The following LIPI variants were observed in gnomAD, a reference collection of about 807,000 sequenced individuals.
LIPI encodes the protein lipase I.
In LIPI, 59 loss-of-function variants were observed where a neutral mutation model predicts 50.6. The ratio of observed to expected loss-of-function variants is 1.16; its 90% confidence interval spans 0.94 to 1.45. The LOEUF is 1.45. Ranked by LOEUF, LIPI falls within the 40% of genes most tolerant of loss-of-function variation. The pLI is 0.00. For synonymous variants in LIPI, 203 were observed against 178.2 expected, an observed-to-expected ratio of 1.14 and a Z score of -1.11; for missense variants, 586 against 536.3, an observed-to-expected ratio of 1.09 and a Z score of -0.92.
At chr21:14,126,275 A>G (rs1018337300) in intron 9 of LIPI, among the ~76,000 whole-genome samples, 1 of 152,366 alleles carries the variant, frequency 6.6e-6, no homozygotes, top group East Asian at 1.9e-4. Flanking sequence ...ATTATTATAA[A>G]CATCAAAAAC....
At chr21:14,160,589 C>CA (rs1476850585) in intron 7 of LIPI, among the ~76,000 whole-genome samples, 1 of 151,244 alleles carries the variant, frequency 6.6e-6, no homozygotes, top group Non-Finnish European at 1.5e-5. Context: ...GGGCTCAACA[C>CA]AGAGTTCTTA....
At chr21:14,177,081 T>A (rs2019123967) in intron 4 of LIPI, among the ~76,000 whole-genome samples, 1 of 152,116 alleles carries the variant, frequency 6.6e-6, no homozygotes, top group Non-Finnish European at 1.5e-5. Flanking sequence ...GATTGTGTAG[T>A]TGCCTTTTTT....
intron 4 of LIPI, among the ~76,000 whole-genome samples, chr21:14,174,377 C>T (rs417370): frequency 0.14 from 20,939 of 151,430 alleles, 1,904 homozygotes; most frequent in Non-Finnish European, 0.2. Context: ...AAACATAAAT[C>T]TATAGGCTAA....
chr21:14,113,813 A>G (rs999135201), intron 9 of LIPI, among the ~76,000 whole-genome samples: 1 of 152,232 alleles, frequency 6.6e-6, no homozygotes, highest in Non-Finnish European at 1.5e-5. Context: ...AGGAAACTTA[A>G]CAATCATGGC....
intron 4 of LIPI, among the ~76,000 whole-genome samples, chr21:14,167,537 C>G (rs1568863020): frequency 6.6e-6 from 1 of 152,180 alleles, no homozygotes; most frequent in Non-Finnish European, 1.5e-5. Context: ...AATGATCAGA[C>G]AGCAGCATTC....
chr21:14,210,231 C>T (rs576629323), intron 1 of LIPI, among the ~76,000 whole-genome samples: 7 of 150,554 alleles, frequency 4.6e-5, no homozygotes, highest in East Asian at 3.9e-4. Context: ...AAGTAGAAAA[C>T]GATACTCTTA....
chr21:14,175,935 T>C (rs919911655), intron 4 of LIPI, among the ~76,000 whole-genome samples: 2 of 152,034 alleles, frequency 1.3e-5, no homozygotes, highest in Admixed American at 1.3e-4. Context: ...TCCCAGCACT[T>C]TGGGAGGCCG....
In LIPI at chr21:14,109,194, C is replaced by T. The variant is rs1012922813; in HGVS notation, c.1296-114G>A. 9.9e-6 allele frequency: 8 copies of T among 811,586 alleles called. No individual in the cohort carries two copies. The African/African-American group carries it at 1.0e-4, about 10-fold the overall frequency. 50.3% of individuals were successfully genotyped at this position (811,586 alleles called of 1,614,324 possible). On this transcript the variant is annotated intron_variant, in intron 9 of 9. Transcript: ENST00000681601. Reference sequence around the variant, plus strand: ...TCCATGCCTGTAACTAGCTAGTTCTCTAAATGTAGGGAGTTGGAACAAATA... The same window carrying T: ...TCCATGCCTGTAACTAGCTAGTTCTTTAAATGTAGGGAGTTGGAACAAATA...
At chr21:14,162,882 A>G (rs2018543061) in intron 7 of LIPI, among the ~76,000 whole-genome samples, 2 of 151,804 alleles carry the variant, frequency 1.3e-5, no homozygotes, top group African/African-American at 4.8e-5. Flanking sequence ...AACCACTTCC[A>G]GTTTTTCATT....
At chr21:14,172,756 A>G (rs2018963401) in intron 4 of LIPI, among the ~76,000 whole-genome samples, 1 of 152,080 alleles carries the variant, frequency 6.6e-6, no homozygotes, top group South Asian at 2.1e-4. Context: ...TAGGAGATAT[A>G]CCTAATGCTA....
At chr21:14,202,604 T>C (rs2123338829) in intron 1 of LIPI, among the ~76,000 whole-genome samples, 2 of 152,252 alleles carry the variant, frequency 1.3e-5, no homozygotes, top group East Asian at 3.9e-4. Flanking sequence ...ATTTAATAAA[T>C]GGTGCTGGGA....
chr21:14,115,973 G>A (rs375367614), intron 9 of LIPI, among the ~76,000 whole-genome samples: 4 of 151,882 alleles, frequency 2.6e-5, no homozygotes, highest in African/African-American at 9.7e-5. Context: ...GAGCTTGCTG[G>A]CAGGGTGACA....
chr21:14,163,598 T>C, intron 6 of LIPI, 75 bp from the exon 7 acceptor site: 1 of 794,272 alleles, frequency 1.3e-6, no homozygotes, highest in Admixed American at 1.8e-5. Flanking sequence ...CTAAAGTAAC[T>C]AAAAGATCAG....
At chr21:14,192,190 C>G (rs565813334) in intron 1 of LIPI, among the ~76,000 whole-genome samples, 1 of 152,256 alleles carries the variant, frequency 6.6e-6, no homozygotes, top group African/African-American at 2.4e-5. Flanking sequence ...ATACAGTGGG[C>G]ACGGTGGCTA....
intron 9 of LIPI, among the ~76,000 whole-genome samples, chr21:14,123,761 G>C (rs2123347291): frequency 6.6e-6 from 1 of 152,248 alleles, no homozygotes; most frequent in East Asian, 1.9e-4. Context: ...TTGCAAAGCA[G>C]TACTAGAGAT....
intron 9 of LIPI, among the ~76,000 whole-genome samples, chr21:14,116,345 G>C (rs559255247): frequency 1.2e-4 from 18 of 152,276 alleles, no homozygotes; most frequent in African/African-American, 4.1e-4. Flanking sequence ...GACAGGATTA[G>C]TTTCATAGCT....
At chr21:14,144,592 A>T in intron 9 of LIPI, 31 bp downstream of exon 9, 1 of 1,203,706 alleles carries the variant, frequency 8.3e-7, no homozygotes, top group Non-Finnish European at 1.2e-6. Flanking sequence ...TTAAAAGATA[A>T]CATGTTGAAA....
At chr21:14,116,920 C>A (rs890002483) in intron 9 of LIPI, among the ~76,000 whole-genome samples, 1 of 152,198 alleles carries the variant, frequency 6.6e-6, no homozygotes, top group Non-Finnish European at 1.5e-5. Flanking sequence ...GAGACTCCAT[C>A]CCCTTATGTT....
chr21:14,118,225 C>A (rs142835240), intron 9 of LIPI, among the ~76,000 whole-genome samples: 1 of 151,988 alleles, frequency 6.6e-6, no homozygotes, highest in African/African-American at 2.4e-5. Flanking sequence ...TGAGACAGAT[C>A]GGGCTCCATC....
Sources: gnomAD v4.1 joint callset for allele counts (sites outside exome capture counted in the v4.1 genomes callset) on GRCh38, gnomAD v4.1.1 for gene constraint, MANE v1.5 for transcripts, NCBI Gene and HGNC (gene_info 2026-07-23, HGNC 2026-07-21) for gene names.